CDH23: variants seen among roughly 807,000 people sequenced by gnomAD.
CDH23 encodes cadherin-23.
In CDH23, 189 loss-of-function variants were observed where a neutral mutation model predicts 317.1. The observed-to-expected ratio is 0.60, with a 90% CI of 0.53 to 0.67. The LOEUF (loss-of-function observed/expected upper bound fraction) is 0.67, where lower values mean the gene tolerates loss of function less well. CDH23 is among the 30% of genes least tolerant of loss of function. The pLI is 0.00. For missense variants in CDH23, 4,401 were observed against 4,592.4 expected (o/e 0.96, Z 1.20); for synonymous variants, 1,839 against 1,876.8 (o/e 0.98, Z 0.52).
chr10:71,533,596 G>A (rs771802504), intron 6 of CDH23, among the ~76,000 whole-genome samples: 96 of 150,490 alleles, frequency 6.4e-4, no homozygotes, highest in Non-Finnish European at 1.1e-3. Context: ...AGGCCAGAAG[G>A]CACTTAGTTG....
Position 71,815,254 on chromosome 10 carries a change from C to G in CDH23, c.10041C>G (p.Thr3347=). The G allele has an allele frequency of 1.3e-6, 2 of 1,580,108 alleles. No individual in the cohort carries two copies. The highest frequency in any genetic ancestry group is 1.7e-6 in the Non-Finnish European group (2 of 1,158,502). Residue 3347 remains threonine (T), a synonymous_variant, in exon 70 of 70, where the codon ACC becomes ACG. Transcript: ENST00000224721. ...AACTTCGCGACGTGATCATGGAGAC[C>G]CCCCTGGAGATCACAGAGCTGTGAC... ...LHKLRDVIME[T]PLEITEL
intron 28 of CDH23, chr10:71,715,984 G>A (rs1460179282): frequency 7.4e-6 from 11 of 1,491,524 alleles, no homozygotes; most frequent in Middle Eastern, 1.8e-4. Flanking sequence ...GGTTGTCCTC[G>A]GGGCCCGGCA....
At chr10:71,788,034 G>A (rs1229105391) in intron 44 of CDH23, among the ~76,000 whole-genome samples, 2 of 152,126 alleles carry the variant, frequency 1.3e-5, no homozygotes, top group Non-Finnish European at 2.9e-5. Context: ...CCTTTTCTCT[G>A]CATCCTCACC....
intron 15 of CDH23, among the ~76,000 whole-genome samples, chr10:71,677,213 C>T (rs1283322462): frequency 6.6e-6 from 1 of 152,162 alleles, no homozygotes; most frequent in Non-Finnish European, 1.5e-5. Flanking sequence ...GCCTGGGTTT[C>T]CTCCTTGCTT....
intron 3 of CDH23, among the ~76,000 whole-genome samples, chr10:71,452,677 A>T (rs1850507049): frequency 6.6e-6 from 1 of 152,240 alleles, no homozygotes; most frequent in African/African-American, 2.4e-5. Flanking sequence ...GGAACTCCCC[A>T]TTGGTCTATT....
intron 38 of CDH23, chr10:71,761,686 G>C: frequency 6.2e-7 from 1 of 1,613,892 alleles, no homozygotes; most frequent in South Asian, 1.1e-5. Flanking sequence ...AGTAGAGGCC[G>C]CTATCCAGCA....
At chr10:71,515,618 G>GA (rs1854293437) in intron 6 of CDH23, among the ~76,000 whole-genome samples, 1 of 151,738 alleles carries the variant, frequency 6.6e-6, no homozygotes, top group South Asian at 2.1e-4. Flanking sequence ...TGCAGGATAG[G>GA]AAAAAATGCT....
chr10:71,687,740 G>A, intron 19 of CDH23, 21 bp downstream of exon 19: 1 of 1,611,368 alleles, frequency 6.2e-7, no homozygotes, highest in Non-Finnish European at 8.5e-7. Context: ...AGGTCGGGGG[G>A]TGGGGGGCAC....
chr10:71,746,114 AG>A (rs1031354922), intron 38 of CDH23, among the ~76,000 whole-genome samples: 2 of 152,216 alleles, frequency 1.3e-5, no homozygotes, highest in African/African-American at 4.8e-5. Flanking sequence ...GCCCTCCAGG[AG>A]CCTACGGTCT....
Position 71,440,736 on chromosome 10 carries a change from C to T in CDH23, c.67+838C>T, listed in dbSNP as rs144904846. ...AGCAGGTGGTGGGGAGCAAAGCAGC[C>T]CTGGGCTGCACTGAAGGCAGGCCAG... On this transcript the variant is annotated intron_variant, in intron 2 of 69. Transcript: ENST00000224721. 5.4e-4 allele frequency among the ~76,000 whole-genome samples: 83 copies of T among 152,310 alleles called. 3 individuals carry two copies. In the East Asian group the frequency reaches 0.016, roughly 29 times the overall value.
chr10:71,463,248 CAAGGGTGCCTGTCCCTGCTCCA>C (rs1851093866), intron 3 of CDH23, among the ~76,000 whole-genome samples: 1 of 152,132 alleles, frequency 6.6e-6, no homozygotes, highest in East Asian at 1.9e-4. Context: ...CCCGGGAGCC[CAAGGGTGCCTGTCCCTGCTCCA>C]GCCTGGTACC....
intron 1 of CDH23, among the ~76,000 whole-genome samples, chr10:71,439,372 CT>C (rs897394777): frequency 2.6e-5 from 4 of 152,202 alleles, no homozygotes; most frequent in African/African-American, 9.7e-5. Flanking sequence ...GCCAAGCCCC[CT>C]GTTAGACCGC....
At chr10:71,626,043 C>T (rs1861718976) in intron 11 of CDH23, among the ~76,000 whole-genome samples, 1 of 152,256 alleles carries the variant, frequency 6.6e-6, no homozygotes, top group African/African-American at 2.4e-5. Flanking sequence ...TCTGAAATTA[C>T]AGCATGTATG....
intron 6 of CDH23, among the ~76,000 whole-genome samples, chr10:71,565,298 A>C (rs543761390): frequency 3.9e-5 from 6 of 152,168 alleles, no homozygotes; most frequent in Non-Finnish European, 1.5e-5. Flanking sequence ...AAGGAGACGA[A>C]AATTGTATTA....
chr10:71,575,230 C>T (rs1316917880), intron 8 of CDH23, among the ~76,000 whole-genome samples: 1 of 152,128 alleles, frequency 6.6e-6, no homozygotes, highest in East Asian at 1.9e-4. Context: ...GAAAAATCCA[C>T]GTGGATGTGC....
Position 71,687,816 on chromosome 10 carries a change from G to T in CDH23, c.2059+97G>T. ...CAGACCCCGGCTCTGCACACAAATT[G>T]TGGGAGGTCCATGGCCTTCTCTTTC... On this transcript the variant is annotated intron_variant, in intron 19 of 69. Transcript: ENST00000224721. 2.6e-6 allele frequency: 3 copies of T among 1,151,478 alleles called. No homozygotes were observed. The South Asian group carries it at 3.9e-5, about 15-fold the overall frequency. The allele number at this position is 1,151,478 out of a possible 1,614,324, so 71.3% of individuals were successfully genotyped here. A position where few individuals can be genotyped will look rare whatever the true frequency, so the allele number is the denominator to read the frequency against.
intron 19 of CDH23, among the ~76,000 whole-genome samples, chr10:71,689,799 G>T (rs867350573): frequency 2.4e-4 from 36 of 152,216 alleles, no homozygotes; most frequent in African/African-American, 8.4e-4. Flanking sequence ...GGTCCAGTCT[G>T]GGTGTGAAGA....
At chr10:71,441,395 T>G (rs1849872339) in intron 2 of CDH23, among the ~76,000 whole-genome samples, 1 of 152,166 alleles carries the variant, frequency 6.6e-6, no homozygotes, top group African/African-American at 2.4e-5. Flanking sequence ...TCCCCCATTC[T>G]GTTCCACTCA....
intron 3 of CDH23, among the ~76,000 whole-genome samples, chr10:71,457,873 T>A (rs1018239013): frequency 3.3e-5 from 5 of 152,232 alleles, no homozygotes; most frequent in African/African-American, 1.2e-4. Context: ...CACAGCCTTT[T>A]CCAGTGACCA....
Sources: gnomAD v4.1 joint callset for allele counts (sites outside exome capture counted in the v4.1 genomes callset) on GRCh38, gnomAD v4.1.1 for gene constraint, MANE v1.5 for transcripts, NCBI Gene and HGNC (gene_info 2026-07-23, HGNC 2026-07-21) for gene names.